Variants in ABCA10 observed in about 807,000 individuals in gnomAD.
The protein encoded by ABCA10 is ATP binding cassette subfamily A member 10, also known as ATP-binding cassette sub-family A member 10.
A neutral mutation model predicts 187.5 loss-of-function variants in ABCA10; 169 were observed. The observed-to-expected ratio is 0.90, with a 90% CI of 0.80 to 1.02. ABCA10 has a LOEUF of 1.02. ABCA10 is among the 50% of genes least tolerant of loss of function. ABCA10 has a pLI of 0.00. For synonymous variants in ABCA10, 574 were observed against 601.8 expected (o/e 0.95, Z 0.68); for missense variants, 1,727 against 1,812.4 (o/e 0.95, Z 0.86).
In ABCA10 at chr17:69,165,051, T is replaced by G. The variant is rs1421120211; in HGVS notation, c.3195A>C (p.Ser1065=). Residue 1065 remains serine, a synonymous_variant, in exon 26 of 39, where the codon TCA becomes TCC. Coordinates refer to ENST00000690296, the MANE Select transcript of ABCA10 (RefSeq NM_001377321.1). ...ILICVSTIMV[S]TQYEKLNLIL... is the part of the protein sequence containing the mutation. ...TTAAGTTGAGTTTTTCATATTGAGT[T>G]GATACCATAATTGTGGATACACATA... The G allele has an allele frequency of 1.9e-6, 3 of 1,587,740 alleles. No individual in the cohort carries two copies. Among genetic ancestry groups the G allele is most frequent in the Non-Finnish European group, 2.6e-6 (3 of 1,156,446 alleles).
intron 25 of ABCA10, 43 bp from the exon 26 acceptor site, chr17:69,165,126 T>G: frequency 6.9e-7 from 1 of 1,440,084 alleles, no homozygotes; most frequent in South Asian, 1.2e-5. Flanking sequence ...TCAGTTATAT[T>G]TGATATCTTA....
rs77360198 is a variant in ABCA10 at position 69,219,468 on chromosome 17, G to A, written c.530+77C>T. ...TACGTGCAAGAAAACTTGTGAGTGC[G>A]TCCAATTTTTTAAGAACCTAGTTAG... On this transcript the variant is annotated intron_variant, in intron 6 of 38. Transcript: ENST00000690296. The A allele has an allele frequency of 2.2e-3, 2,465 of 1,104,388 alleles. 32 individuals carry two copies. In the African/African-American group the frequency reaches 0.033, roughly 15 times the overall value. The allele number at this position is 1,104,388 out of a possible 1,614,324, so 68.4% of individuals were successfully genotyped here.
chr17:69,149,048 C>A lies in ABCA10; in HGVS notation c.4518G>T (p.Gln1506His). 1 of 1,612,426 alleles carries A rather than the reference C, an allele frequency of 6.2e-7. No homozygotes were observed. Among genetic ancestry groups the A allele is most frequent in the South Asian group, 1.1e-5 (1 of 91,012 alleles). The change falls in exon 38 of 39, where the codon CAG (glutamine) becomes CAT (histidine). Residue 1506 changes from glutamine (Q) to histidine (H), a missense_variant. Transcript: ENST00000690296. ...TFNLEEYSLSQATLEQVFLEL... is the reference protein window; with the variant it reads ...TFNLEEYSLSHATLEQVFLEL... ...GAAAACCCACCTGCTCCAAGGTAGC[C>A]TGAGAGAGGCTGTATTCCTCCAGGT...
intron 25 of ABCA10, among the ~76,000 whole-genome samples, chr17:69,165,618 CTG>C (rs2074249184): frequency 6.6e-6 from 1 of 152,142 alleles, no homozygotes; most frequent in African/African-American, 2.4e-5. Flanking sequence ...CCCACTCAGA[CTG>C]TTAGTCGTTT....
chr17:69,185,731 G>T, intron 19 of ABCA10, 88 bp from the exon 20 acceptor site: 1 of 1,095,802 alleles, frequency 9.1e-7, no homozygotes. Context: ...TGCTAACTAT[G>T]GAAAGTCCAC....
At chr17:69,221,026 G>A (rs1419461409) in intron 5 of ABCA10, among the ~76,000 whole-genome samples, 2 of 152,174 alleles carry the variant, frequency 1.3e-5, no homozygotes, top group African/African-American at 4.8e-5. Context: ...GGGAATAAAT[G>A]AGACCATCTA....
At chr17:69,210,807 CAT>C (rs1191406736) in intron 9 of ABCA10, among the ~76,000 whole-genome samples, 1 of 134,544 alleles carries the variant, frequency 7.4e-6, no homozygotes, top group African/African-American at 3.5e-5. Flanking sequence ...TATACAATGG[CAT>C]ATATATACAT....
chr17:69,243,353 T>C (rs955462800), intron 1 of ABCA10, among the ~76,000 whole-genome samples: 6 of 152,250 alleles, frequency 3.9e-5, no homozygotes, highest in African/African-American at 1.4e-4. Context: ...GGCTATATGA[T>C]ACAGCCTGTT....
chr17:69,243,835 C>T (rs1007052740), intron 1 of ABCA10, among the ~76,000 whole-genome samples: 2 of 152,132 alleles, frequency 1.3e-5, no homozygotes, highest in African/African-American at 4.8e-5. Flanking sequence ...GAGCTTGAGG[C>T]TGCAGTGAGC....
chr17:69,160,263 A>T (rs571802344), intron 27 of ABCA10, among the ~76,000 whole-genome samples: 14 of 152,324 alleles, frequency 9.2e-5, no homozygotes, highest in Non-Finnish European at 2.1e-4. Flanking sequence ...ATATATTTTT[A>T]AAACTCCTAC....
intron 16 of ABCA10, 85 bp from the exon 17 acceptor site, chr17:69,191,400 T>C: frequency 7.6e-7 from 1 of 1,311,504 alleles, no homozygotes; most frequent in East Asian, 2.7e-5. Context: ...TTAAACAGCT[T>C]ATATGTATTA....
chr17:69,237,884 C>T (rs187533485), intron 1 of ABCA10, among the ~76,000 whole-genome samples: 8 of 152,130 alleles, frequency 5.3e-5, no homozygotes, highest in African/African-American at 1.7e-4. Context: ...AGCAACTGGC[C>T]GGGCACAGTG....
intron 22 of ABCA10, among the ~76,000 whole-genome samples, chr17:69,176,409 G>A (rs1452924338): frequency 6.6e-6 from 1 of 151,462 alleles, no homozygotes; most frequent in East Asian, 1.9e-4. Flanking sequence ...TTATTATTAT[G>A]ACAAAAAAAA....
At chr17:69,184,086 C>T (rs1374319608) in intron 20 of ABCA10, among the ~76,000 whole-genome samples, 4 of 152,046 alleles carry the variant, frequency 2.6e-5, no homozygotes, top group South Asian at 2.1e-4. Flanking sequence ...CTGTCACTGC[C>T]GGCTTTCCCC....
rs772715913 is a variant in ABCA10 at position 69,222,560 on chromosome 17, C to T, written c.172G>A (p.Val58Ile). The T allele has an allele frequency of 2.5e-6, 4 of 1,585,146 alleles. No homozygotes were observed. The South Asian group carries it at 4.7e-5, about 19-fold the overall frequency. The change falls in exon 4 of 39, where the codon GTT becomes ATT. Residue 58 changes from valine to isoleucine, a missense_variant. Coordinates refer to ENST00000690296, the MANE Select transcript of ABCA10 (RefSeq NM_001377321.1). ...LKFNWGYRIP[V>I]IKEHSEYTEH... ...GTGTATTCAGAGTGCTCCTTTATAA[C>T]TGGGATTCTATATCCCCAATTAAAC...
At chr17:69,208,447 T>C (rs2074609542) in intron 9 of ABCA10, among the ~76,000 whole-genome samples, 1 of 142,102 alleles carries the variant, frequency 7.0e-6, no homozygotes. Flanking sequence ...AAAAAGAATG[T>C]ATTAGGAAAA....
chr17:69,230,542 T>C (rs181810156), upstream of ABCA10, among the ~76,000 whole-genome samples: 2 of 152,196 alleles, frequency 1.3e-5, no homozygotes, highest in Non-Finnish European at 2.9e-5. Flanking sequence ...AGTCAGAATG[T>C]TGAAATACTC....
chr17:69,153,833 T>C lies in ABCA10; in HGVS notation c.3963A>G (p.Ser1321=), dbSNP rs779093748. Residue 1321 remains serine (S), a splice_region_variant and synonymous_variant, in exon 32 of 39, where the codon TCA becomes TCG. Transcript: ENST00000690296. ...LGKEDAALSI[S]RLVEALKLQE... ...AATTGTGAGACTTCTCTCTGTACCG[T>C]GAAATACTGAGAGCAGCATCTTCTT... 3.7e-6 allele frequency: 6 copies of C among 1,612,334 alleles called. No homozygotes were observed. In the African/African-American group the frequency reaches 8.0e-5, roughly 22 times the overall value.
chr17:69,155,888 C>A lies in ABCA10; in HGVS notation c.3493G>T (p.Glu1165Ter), dbSNP rs2074170366. 1.2e-6 allele frequency: 2 copies of A among 1,613,566 alleles called. No homozygotes were observed. The highest frequency in any genetic ancestry group is 1.7e-6 in the Non-Finnish European group (2 of 1,179,750). The change falls in exon 29 of 39, where the codon GAA (glutamate) becomes TAA (stop). Residue 1165 changes from glutamate (E) to a stop codon, truncating the protein, a stop_gained. Transcript: ENST00000690296. LOFTEE classifies it high-confidence loss of function. ...TCTTCATCTTCTTCTTCGGGCTCTT[C>A]CGGATTGGGATGAGTTTCTCTACTC... ...PRSRETHPNP[E>*]EPEEEDEDVQ...
Sources: gnomAD v4.1 joint callset for allele counts (sites outside exome capture counted in the v4.1 genomes callset) on GRCh38, gnomAD v4.1.1 for gene constraint, MANE v1.5 for transcripts, NCBI Gene and HGNC (gene_info 2026-07-23, HGNC 2026-07-21) for gene names.